CTNND2: variants seen among roughly 807,000 people sequenced by gnomAD.
CTNND2 encodes the protein catenin delta 2.
Under a neutral mutation model 144.4 loss-of-function variants are expected in CTNND2, and 22 were observed. The observed-to-expected ratio is 0.15, with a 90% CI of 0.11 to 0.22. CTNND2 has a LOEUF of 0.22. Ranked by LOEUF, CTNND2 falls within the 10% of genes least tolerant of loss-of-function variation. The pLI is 1.00. For missense variants in CTNND2, 1,353 were observed against 1,618.8 expected (o/e 0.84, Z 2.82); for synonymous variants, 751 against 695.6 (o/e 1.08, Z -1.25).
chr5:11,226,019 C>T (rs1176668714), intron 10 of CTNND2, among the ~76,000 whole-genome samples: 1 of 152,188 alleles, frequency 6.6e-6, no homozygotes, highest in Non-Finnish European at 1.5e-5. Context: ...TACTGGCGGC[C>T]ACCAGCAGAA....
At chr5:11,006,753 G>A (rs1740530176) in intron 18 of CTNND2, among the ~76,000 whole-genome samples, 1 of 152,152 alleles carries the variant, frequency 6.6e-6, no homozygotes. Context: ...GTGAAGGCTG[G>A]ACCATGGGAG....
chr5:11,765,356 T>C (rs1469090754), intron 1 of CTNND2, among the ~76,000 whole-genome samples: 2 of 151,982 alleles, frequency 1.3e-5, no homozygotes, highest in Non-Finnish European at 2.9e-5. Flanking sequence ...CTGGGAGGTG[T>C]GACCTGGGCA....
intron 18 of CTNND2, among the ~76,000 whole-genome samples, chr5:10,994,163 T>TAATA (rs924361207): frequency 3.7e-5 from 5 of 136,798 alleles, no homozygotes; most frequent in African/African-American, 1.4e-4. Context: ...AAAAACATAT[T>TAATA]AATACTAACG....
chr5:11,787,368 A>C (rs766986114), intron 1 of CTNND2, among the ~76,000 whole-genome samples: 3 of 152,214 alleles, frequency 2.0e-5, no homozygotes, highest in Non-Finnish European at 4.4e-5. Flanking sequence ...TAAATGCAAC[A>C]ACACTAATAA....
intron 3 of CTNND2, among the ~76,000 whole-genome samples, chr5:11,416,912 A>G (rs1307165549): frequency 6.6e-6 from 1 of 152,200 alleles, no homozygotes; most frequent in Admixed American, 6.5e-5. Context: ...ATATACCTAA[A>G]TATAAGATCC....
At chr5:11,569,071 T>A (rs2150112969) in intron 2 of CTNND2, among the ~76,000 whole-genome samples, 1 of 152,146 alleles carries the variant, frequency 6.6e-6, no homozygotes, top group East Asian at 1.9e-4. Flanking sequence ...AATTCTGGGG[T>A]AAAGGATCAC....
chr5:11,639,381 A>G (rs1781877093), intron 2 of CTNND2, among the ~76,000 whole-genome samples: 1 of 152,194 alleles, frequency 6.6e-6, no homozygotes, highest in South Asian at 2.1e-4. Flanking sequence ...GAATCAATCC[A>G]CAGTTAGCAA....
At chr5:11,000,360 A>C (rs974522025) in intron 18 of CTNND2, among the ~76,000 whole-genome samples, 3 of 152,284 alleles carry the variant, frequency 2.0e-5, no homozygotes, top group Non-Finnish European at 2.9e-5. Context: ...GTCTCTACTA[A>C]AAACACAAAA....
intron 11 of CTNND2, among the ~76,000 whole-genome samples, chr5:11,194,562 T>G (rs1028450716): frequency 6.6e-6 from 1 of 152,082 alleles, no homozygotes; most frequent in Admixed American, 6.5e-5. Context: ...GAAGTGAAGC[T>G]TCACTGTGAA....
chr5:11,642,353 CAT>C (rs1238508970), intron 2 of CTNND2, among the ~76,000 whole-genome samples: 1 of 152,080 alleles, frequency 6.6e-6, no homozygotes, highest in Admixed American at 6.6e-5. Context: ...ATGGCAATCA[CAT>C]ATTTTAAAAA....
chr5:11,129,268 TA>T lies in CTNND2; in HGVS notation c.2160-11702del, dbSNP rs1367057067. Among the ~76,000 whole-genome samples, 25 of 66,950 alleles carry T rather than the reference TA, an allele frequency of 3.7e-4. 1 individual carries two copies. The highest frequency in any genetic ancestry group is 8.6e-4 in the Admixed American group (3 of 3,480). The allele number at this position is 66,950 out of a possible 152,430, so 43.9% of individuals were successfully genotyped here. A position where few individuals can be genotyped will look rare whatever the true frequency, so the allele number is the denominator to read the frequency against. On this transcript the variant is annotated intron_variant, in intron 12 of 21. Coordinates refer to ENST00000304623, the MANE Select transcript of CTNND2 (RefSeq NM_001332.4). ...TATATTATATAAAAATATAAATATA[TA>T]AATATATATTATATAAAAATATATA... is the stretch of plus-strand genomic sequence containing the variant.
intron 1 of CTNND2, among the ~76,000 whole-genome samples, chr5:11,742,418 C>T (rs1788070364): frequency 6.6e-6 from 1 of 152,108 alleles, no homozygotes; most frequent in South Asian, 2.1e-4. Context: ...TCACACCAAA[C>T]AAACAAGAGA....
chr5:11,312,536 C>T (rs188024175), intron 9 of CTNND2, among the ~76,000 whole-genome samples: 24 of 152,004 alleles, frequency 1.6e-4, no homozygotes, highest in African/African-American at 3.4e-4. Flanking sequence ...TGGGAAAGAC[C>T]GGCCCCCATG....
Position 11,545,618 on chromosome 5 carries a change from ACAC to A in CTNND2, c.287+19323_287+19325del, listed in dbSNP as rs144536280. 3.9e-4 allele frequency among the ~76,000 whole-genome samples: 54 copies of A among 139,668 alleles called. No individual in the cohort carries two copies. The East Asian group carries it at 0.012, about 30-fold the overall frequency. The allele number at this position is 139,668 out of a possible 152,430, so 91.6% of individuals were successfully genotyped here. On this transcript the variant is annotated intron_variant, in intron 3 of 21. Transcript: ENST00000304623. ...GCAAAGGATACAGTGAGCCGAGATC[ACAC>A]CATTGCACTCCAGCCTTGGTGACAG...
chr5:11,411,117 C>T (rs754312634), intron 5 of CTNND2, among the ~76,000 whole-genome samples: 21 of 152,038 alleles, frequency 1.4e-4, no homozygotes, highest in Non-Finnish European at 2.6e-4. Flanking sequence ...TGTGATCTGC[C>T]CATCTCGGTC....
In CTNND2 at chr5:11,117,523, T is replaced by C. The variant is rs1471667947; in HGVS notation, c.2204A>G (p.Glu735Gly). 1 of 1,614,086 alleles carries C rather than the reference T, an allele frequency of 6.2e-7. No individual in the cohort carries two copies. Among genetic ancestry groups the C allele is most frequent in the Non-Finnish European group, 8.5e-7 (1 of 1,180,006 alleles). ...CAAGGCATCCGTAAGCCCATCACAC[T>C]CTCTCATCCTTCTGCGGGCCTCCTC... ...AGEEARRRMR[E>G]CDGLTDALLY... is the part of the protein sequence containing the mutation. Residue 735 changes from glutamate to glycine, a missense_variant, in exon 13 of 22, where the codon GAG (glutamate) becomes GGG (glycine). Physicochemically the swap from Glu to Gly is moderately conservative, Grantham distance 98. Transcript: ENST00000304623.
rs540925690 is a variant in CTNND2 at position 11,198,727 on chromosome 5, A to C, written c.1975+721T>G. Among the ~76,000 whole-genome samples, 4 of 152,366 alleles carry C rather than the reference A, an allele frequency of 2.6e-5. No individual in the cohort carries two copies. The South Asian group carries it at 8.3e-4, about 32-fold the overall frequency. Reference sequence around the variant, plus strand: ...GATGAGTAAGCAGCAGAGTTATTTGAAATGCTGTATTGAGGCCACCTGGGC... The same window carrying C: ...GATGAGTAAGCAGCAGAGTTATTTGCAATGCTGTATTGAGGCCACCTGGGC... On this transcript the variant is annotated intron_variant, in intron 11 of 21. Transcript: ENST00000304623.
At chr5:11,712,751 A>T (rs369269132) in intron 2 of CTNND2, among the ~76,000 whole-genome samples, 2 of 152,216 alleles carry the variant, frequency 1.3e-5, no homozygotes, top group East Asian at 3.8e-4. Context: ...CGTTCATCCT[A>T]GAAATCAGAG....
At chr5:11,326,067 G>T (rs1301275069) in intron 9 of CTNND2, among the ~76,000 whole-genome samples, 2 of 152,132 alleles carry the variant, frequency 1.3e-5, no homozygotes, top group Admixed American at 6.5e-5. Context: ...AATTTTCATA[G>T]CTTCAACTGA....
Sources: allele counts gnomAD v4.1 joint callset (sites outside exome capture counted in the v4.1 genomes callset), GRCh38; gene constraint gnomAD v4.1.1; transcripts MANE v1.5; gene names NCBI Gene and HGNC (gene_info 2026-07-23, HGNC 2026-07-21).